TRAK1: variants seen among roughly 807,000 people sequenced by gnomAD.
The protein encoded by TRAK1 is trafficking kinesin protein 1, also known as trafficking kinesin-binding protein 1.
A neutral mutation model predicts 92.1 loss-of-function variants in TRAK1; 33 were observed. That is an observed-to-expected ratio of 0.36 (90% CI 0.27 to 0.48). The LOEUF is 0.48. Among genes scored for constraint, TRAK1 ranks in the 20% least tolerant of loss-of-function variants. The pLI, the probability that TRAK1 is intolerant of heterozygous loss-of-function variation, is 0.99. For synonymous variants in TRAK1, 521 were observed against 517.3 expected (o/e 1.01, Z -0.10); for missense variants, 1,123 against 1,257.9 (o/e 0.89, Z 1.62).
chr3:42,107,730 T>G (rs1308130813), intron 1 of TRAK1, among the ~76,000 whole-genome samples: 1 of 152,080 alleles, frequency 6.6e-6, no homozygotes, highest in Non-Finnish European at 1.5e-5. Flanking sequence ...GTACAGATAG[T>G]ACCTTTAAAG....
chr3:42,157,457 C>CCAA (rs1700673006), intron 2 of TRAK1, among the ~76,000 whole-genome samples: 1 of 31,108 alleles, frequency 3.2e-5, no homozygotes, highest in African/African-American at 1.2e-4. Context: ...GACCCTGTCT[C>CCAA]AAAAAAAAAA....
At chr3:42,190,469 T>C (rs1406531992) in intron 6 of TRAK1, among the ~76,000 whole-genome samples, 4 of 152,176 alleles carry the variant, frequency 2.6e-5, no homozygotes, top group Admixed American at 1.3e-4. Flanking sequence ...CCAAGAAGTC[T>C]GCCTAGGTTT....
intron 1 of TRAK1, among the ~76,000 whole-genome samples, chr3:42,111,765 T>C (rs1179158570): frequency 6.6e-6 from 1 of 152,158 alleles, no homozygotes; most frequent in African/African-American, 2.4e-5. Context: ...TTCTTATTTA[T>C]TAAAAATTAC....
intron 1 of TRAK1, among the ~76,000 whole-genome samples, chr3:42,044,864 C>A (rs1244416871): frequency 2.6e-5 from 4 of 151,990 alleles, no homozygotes; most frequent in Non-Finnish European, 5.9e-5. Flanking sequence ...TACACGATTT[C>A]TCTGGATTTT....
intron 7 of TRAK1, 24 bp downstream of exon 7, chr3:42,191,660 C>G (rs1705757286): frequency 6.3e-7 from 1 of 1,577,494 alleles, no homozygotes; most frequent in Non-Finnish European, 8.6e-7. Context: ...CTGCTGTCTT[C>G]TTACTTCCTT....
At chr3:42,089,675 A>ACCCT (rs1704888440), upstream of TRAK1, among the ~76,000 whole-genome samples, 1 of 132,844 alleles carries the variant, frequency 7.5e-6, no homozygotes, top group Non-Finnish European at 1.6e-5. Flanking sequence ...GCTTTTTGTG[A>ACCCT]CCCCCCCCCA....
chr3:42,126,215 A>G (rs1363375147), intron 2 of TRAK1, among the ~76,000 whole-genome samples: 4 of 152,156 alleles, frequency 2.6e-5, no homozygotes, highest in Admixed American at 2.6e-4. Context: ...CAAAAATACA[A>G]ATCCTTAGAA....
At chr3:42,073,645 C>G (rs1223814029) in intron 1 of TRAK1, among the ~76,000 whole-genome samples, 3 of 152,226 alleles carry the variant, frequency 2.0e-5, no homozygotes, top group Non-Finnish European at 4.4e-5. Flanking sequence ...GGCTTCTTGA[C>G]AGCCTTGCTT....
intron 1 of TRAK1, among the ~76,000 whole-genome samples, chr3:42,104,752 G>A (rs570748684): frequency 1.5e-4 from 23 of 152,282 alleles, no homozygotes; most frequent in African/African-American, 5.1e-4. Context: ...AGAAACCAGA[G>A]CAGAAAAGCT....
At chr3:42,035,257 T>G (rs1702285302) in intron 1 of TRAK1, among the ~76,000 whole-genome samples, 1 of 152,048 alleles carries the variant, frequency 6.6e-6, no homozygotes, top group Admixed American at 6.6e-5. Context: ...TCCTCCTACT[T>G]CTCCAACCAC....
chr3:42,025,696 C>T (rs1483756655), intron 1 of TRAK1, among the ~76,000 whole-genome samples: 7 of 100,284 alleles, frequency 7.0e-5, no homozygotes, highest in South Asian at 3.4e-4. Context: ...AGGGCGGGGG[C>T]GGGGACTGCT....
intron 2 of TRAK1, among the ~76,000 whole-genome samples, chr3:42,152,540 C>T (rs996363088): frequency 6.6e-6 from 1 of 152,118 alleles, no homozygotes; most frequent in Non-Finnish European, 1.5e-5. Flanking sequence ...AGGAGAAGTC[C>T]TGAGAAATCT....
intron 1 of TRAK1, among the ~76,000 whole-genome samples, chr3:42,023,687 C>T (rs922892329): frequency 7.1e-5 from 10 of 141,806 alleles, no homozygotes; most frequent in African/African-American, 1.9e-4. Context: ...GTTGTCCCAG[C>T]GGTGAGGACC....
At chr3:42,143,543 T>C (rs539142923) in intron 2 of TRAK1, among the ~76,000 whole-genome samples, 169 of 152,294 alleles carry the variant, frequency 1.1e-3, no homozygotes, top group African/African-American at 4.0e-3. Flanking sequence ...AAGTGAGATA[T>C]AAAGTATTAA....
At chr3:42,221,927 A>T (rs1347849424) in intron 15 of TRAK1, 1 of 151,206 alleles carries the variant, frequency 6.6e-6, no homozygotes, top group South Asian at 2.1e-4. Flanking sequence ...GACTTGAGAT[A>T]GAGGCAGCAT....
At chr3:42,196,561 G>A (rs1262051267) in intron 10 of TRAK1, among the ~76,000 whole-genome samples, 2 of 138,832 alleles carry the variant, frequency 1.4e-5, no homozygotes, top group African/African-American at 2.6e-5. Context: ...TTTTTGAGAC[G>A]GAGTCTTGCT....
At chr3:42,020,773 G>GT (rs1701694176) in intron 1 of TRAK1, among the ~76,000 whole-genome samples, 1 of 152,198 alleles carries the variant, frequency 6.6e-6, no homozygotes, top group Non-Finnish European at 1.5e-5. Context: ...CTCTGTAAAA[G>GT]AGTATGCTAC....
intron 1 of TRAK1, among the ~76,000 whole-genome samples, chr3:42,092,763 G>GTTATGTTATA (rs67683529): frequency 0.16 from 23,125 of 147,572 alleles, 2,268 homozygotes; most frequent in Middle Eastern, 0.22. Flanking sequence ...GTTATGTTAT[G>GTTATGTTATA]TTATGTTATT....
intron 2 of TRAK1, among the ~76,000 whole-genome samples, chr3:42,139,571 A>C (rs1182837170): frequency 6.6e-6 from 1 of 152,132 alleles, no homozygotes; most frequent in African/African-American, 2.4e-5. Flanking sequence ...CCAGGTACTC[A>C]TACTGGTCAG....
Sources: allele counts gnomAD v4.1 joint callset (sites outside exome capture counted in the v4.1 genomes callset), GRCh38; gene constraint gnomAD v4.1.1; transcripts MANE v1.5; gene names NCBI Gene and HGNC (gene_info 2026-07-23, HGNC 2026-07-21).